Variants in CPNE4 observed in about 807,000 individuals in gnomAD.
CPNE4 encodes the protein copine 4, also known as copine-4.
In CPNE4, 25 loss-of-function variants were observed where a neutral mutation model predicts 67.9. The observed-to-expected ratio is 0.37, with a 90% CI of 0.27 to 0.51. The LOEUF is 0.51. CPNE4 is among the 20% of genes least tolerant of loss of function. CPNE4 has a pLI of 0.93. For synonymous variants in CPNE4, 242 were observed against 244.9 expected, an observed-to-expected ratio of 0.99 and a Z score of 0.11; for missense variants, 464 against 690.8, an observed-to-expected ratio of 0.67 and a Z score of 3.68.
intron 7 of CPNE4, among the ~76,000 whole-genome samples, chr3:131,626,806 G>A (rs2079085230): frequency 6.6e-6 from 1 of 152,156 alleles, no homozygotes; most frequent in African/African-American, 2.4e-5. Context: ...TCAATGCCCG[G>A]CTTCAGATCT....
intron 1 of CPNE4, among the ~76,000 whole-genome samples, chr3:132,014,859 A>C (rs2178388): frequency 6.6e-6 from 1 of 152,090 alleles, no homozygotes; most frequent in Non-Finnish European, 1.5e-5. Flanking sequence ...GTGGAAAAAA[A>C]TTGACTTTTG....
chr3:131,982,844 A>G (rs548285835), intron 1 of CPNE4, among the ~76,000 whole-genome samples: 66 of 152,200 alleles, frequency 4.3e-4, no homozygotes, highest in Middle Eastern at 3.4e-3. Context: ...CTTACAATAA[A>G]TTACATATAT....
At chr3:131,752,460 C>A (rs1369265981) in intron 2 of CPNE4, among the ~76,000 whole-genome samples, 1 of 152,036 alleles carries the variant, frequency 6.6e-6, no homozygotes, top group East Asian at 1.9e-4. Context: ...TTCTTCAGCT[C>A]TTGGTCTGGG....
intron 1 of CPNE4, among the ~76,000 whole-genome samples, chr3:131,917,686 T>C (rs1023740908): frequency 1.3e-5 from 2 of 151,934 alleles, no homozygotes; most frequent in Admixed American, 1.3e-4. Flanking sequence ...CAGGAATAGA[T>C]AGAAAAAGAA....
intron 2 of CPNE4, among the ~76,000 whole-genome samples, chr3:131,730,669 T>C (rs1016262054): frequency 6.6e-5 from 10 of 152,150 alleles, no homozygotes; most frequent in Non-Finnish European, 1.2e-4. Context: ...ACAGGGAGAA[T>C]GCCATGTGAA....
chr3:131,783,564 C>T (rs1404748162), intron 2 of CPNE4, among the ~76,000 whole-genome samples: 1 of 151,998 alleles, frequency 6.6e-6, no homozygotes, highest in African/African-American at 2.4e-5. Flanking sequence ...GTGTCTAATG[C>T]TTAGTGACTT....
intron 2 of CPNE4, among the ~76,000 whole-genome samples, chr3:131,748,942 T>C (rs1311015465): frequency 6.6e-6 from 1 of 152,104 alleles, no homozygotes; most frequent in Non-Finnish European, 1.5e-5. Flanking sequence ...CTGTTGTTTT[T>C]CTATTTTTAA....
At chr3:131,798,477 T>G (rs1238537725) in intron 2 of CPNE4, among the ~76,000 whole-genome samples, 3 of 152,106 alleles carry the variant, frequency 2.0e-5, no homozygotes, top group Non-Finnish European at 4.4e-5. Flanking sequence ...ACATATAAAA[T>G]CAGATCATTA....
chr3:131,767,578 G>A (rs921586641), intron 2 of CPNE4, among the ~76,000 whole-genome samples: 12 of 151,888 alleles, frequency 7.9e-5, no homozygotes, highest in African/African-American at 2.9e-4. Context: ...GCAAGGAGAG[G>A]ACACTGTTCA....
chr3:132,003,338 T>A (rs1264117328), intron 1 of CPNE4, among the ~76,000 whole-genome samples: 1 of 152,070 alleles, frequency 6.6e-6, no homozygotes, highest in Non-Finnish European at 1.5e-5. Flanking sequence ...TAGATGATGC[T>A]CTCTTTTCAG....
At chr3:131,698,233 C>CAAAAAGAAAAA (rs2081203674) in intron 4 of CPNE4, among the ~76,000 whole-genome samples, 1 of 64,450 alleles carries the variant, frequency 1.6e-5, no homozygotes, top group Non-Finnish European at 2.6e-5. Context: ...GGCTCTGTCT[C>CAAAAAGAAAAA]AAAAAAAAAA....
chr3:131,952,517 A>C (rs536256907), intron 1 of CPNE4, among the ~76,000 whole-genome samples: 1 of 91,792 alleles, frequency 1.1e-5, no homozygotes, highest in South Asian at 3.5e-4. Context: ...TCCGGGAGGG[A>C]GGTGGGGGCG....
intron 2 of CPNE4, among the ~76,000 whole-genome samples, chr3:131,869,248 T>G (rs185384435): frequency 4.9e-4 from 74 of 152,306 alleles, no homozygotes; most frequent in African/African-American, 1.7e-3. Context: ...ACCTTGCTTC[T>G]CACTGTGCTG....
chr3:131,704,952 G>A (rs1280743186), intron 3 of CPNE4, among the ~76,000 whole-genome samples: 1 of 151,972 alleles, frequency 6.6e-6, no homozygotes, highest in Non-Finnish European at 1.5e-5. Context: ...TAAGGGTAGG[G>A]CCCCAATCTG....
At chr3:131,904,916 C>T (rs887962670) in intron 2 of CPNE4, among the ~76,000 whole-genome samples, 2 of 152,084 alleles carry the variant, frequency 1.3e-5, no homozygotes, top group Non-Finnish European at 2.9e-5. Flanking sequence ...GTTTTTGGAA[C>T]TTTCTCACCC....
At chr3:131,946,329 T>C (rs1314321746) in intron 1 of CPNE4, among the ~76,000 whole-genome samples, 12 of 152,222 alleles carry the variant, frequency 7.9e-5, no homozygotes, top group Admixed American at 7.9e-4. Flanking sequence ...AAAGGTTCAT[T>C]CCGATTGTAG....
intron 1 of CPNE4, among the ~76,000 whole-genome samples, chr3:131,914,027 T>A (rs1266908885): frequency 1.3e-5 from 2 of 152,174 alleles, no homozygotes; most frequent in Non-Finnish European, 2.9e-5. Context: ...CTTTTAATTC[T>A]TATATATCTT....
In CPNE4 at chr3:131,657,704, TTGTGTGTGTGTGTG is replaced by T. The variant is rs56890555; in HGVS notation, c.681+11957_681+11970del. ...CACGTGCCACCACGTCCAGCTAATT[TTGTGTGTGTGTGTG>T]TGTGTGTGTGTGTGTGTGTGTGTGT... is the stretch of plus-strand genomic sequence containing the variant. On this transcript the variant is annotated intron_variant, in intron 7 of 15. Coordinates refer to ENST00000429747, the MANE Select transcript of CPNE4 (RefSeq NM_130808.3). Among the ~76,000 whole-genome samples the T allele has an allele frequency of 1.8e-4, 25 of 140,934 alleles. 1 individual carries two copies. The highest frequency in any genetic ancestry group is 1.5e-3 in the East Asian group (7 of 4,728). The allele number at this position is 140,934 out of a possible 152,430, so 92.5% of individuals were successfully genotyped here.
chr3:131,967,229 T>A (rs1176884364), intron 1 of CPNE4, among the ~76,000 whole-genome samples: 1 of 152,114 alleles, frequency 6.6e-6, no homozygotes, highest in Non-Finnish European at 1.5e-5. Flanking sequence ...TATCTAAAAA[T>A]AATAAGAGCT....
Sources: allele counts gnomAD v4.1 joint callset (sites outside exome capture counted in the v4.1 genomes callset), GRCh38; gene constraint gnomAD v4.1.1; transcripts MANE v1.5; gene names NCBI Gene and HGNC (gene_info 2026-07-23, HGNC 2026-07-21).